The following MBD3 variants were observed in gnomAD, a reference collection of about 807,000 sequenced individuals.
The protein encoded by MBD3 is methyl-CpG-binding domain protein 3.
Under a neutral mutation model 31.2 loss-of-function variants are expected in MBD3, and 13 were observed. That is an observed-to-expected ratio of 0.42 (90% CI 0.27 to 0.66). The LOEUF (loss-of-function observed/expected upper bound fraction) is 0.66, where lower values mean the gene tolerates loss of function less well. Ranked by LOEUF, MBD3 falls within the 30% of genes least tolerant of loss-of-function variation. MBD3 has a pLI of 0.26. For missense variants in MBD3, 440 were observed against 426.5 expected (o/e 1.03, Z -0.28); for synonymous variants, 223 against 187.4 (o/e 1.19, Z -1.55).
rs1917194897 is a variant in MBD3 at position 1,576,498 on chromosome 19, C to G, written c.*1666G>C. The G allele has an allele frequency of 6.6e-6, 1 of 152,280 alleles. No individual in the cohort carries two copies. The highest frequency in any genetic ancestry group is 1.5e-5 in the Non-Finnish European group (1 of 68,100). 9.4% of individuals were successfully genotyped at this position (152,280 alleles called of 1,614,324 possible). On this transcript the variant is annotated 3_prime_UTR_variant, in exon 7 of 7. Transcript: ENST00000434436. ...GGGGCACGGCCCTTGCCCACAGATG[C>G]CCAGGCCGGCCTGGTCTTCTCTGAA...
At chr19:1,589,250 G>A (rs2060692962) in intron 1 of MBD3, among the ~76,000 whole-genome samples, 2 of 147,614 alleles carry the variant, frequency 1.4e-5, no homozygotes, top group East Asian at 2.1e-4. Flanking sequence ...AGAATTGCTT[G>A]AACTCAGGAG....
At chr19:1,584,214 G>A (rs2060666669) in intron 3 of MBD3, among the ~76,000 whole-genome samples, 1 of 151,556 alleles carries the variant, frequency 6.6e-6, no homozygotes, top group African/African-American at 2.4e-5. Flanking sequence ...CCAATACCCT[G>A]CACATTCCAA....
chr19:1,580,785 GTCC>G (rs1917333804), intron 5 of MBD3, among the ~76,000 whole-genome samples: 1 of 152,208 alleles, frequency 6.6e-6, no homozygotes, highest in African/African-American at 2.4e-5. Context: ...GGCCTGCCCT[GTCC>G]CTCCGTCTCC....
In MBD3 at chr19:1,584,633, C is replaced by T. The variant is rs749850322; in HGVS notation, c.315G>A (p.Ala105=). Residue 105 remains alanine, a synonymous_variant, in exon 3 of 7, where the codon GCG becomes GCA. Coordinates refer to ENST00000434436, the MANE Select transcript of MBD3 (RefSeq NM_001281453.2). Reference sequence around the variant, plus strand: ...TGGTCACCGGCTGCTTGAAGATGGACGCCGTCTGGCGCACGGGCAGCGCCG... The same window carrying T: ...TGGTCACCGGCTGCTTGAAGATGGATGCCGTCTGGCGCACGGGCAGCGCCG... ...LNTALPVRQT[A]SIFKQPVTKI... 2.4e-5 allele frequency: 38 copies of T among 1,613,578 alleles called. No individual in the cohort carries two copies. Among genetic ancestry groups the T allele is most frequent in the Non-Finnish European group, 3.0e-5 (35 of 1,179,924 alleles).
At position 1,582,679 on chromosome 19, in the gene MBD3, C is replaced by A; in HGVS notation, c.442G>T (p.Ala148Ser). The part of the protein sequence containing the change: ...FWEKKLSGLN[A>S]FDIAEELVKT... ...ACCAGCTCCTCAGCAATGTCGAAGG[C>A]GTTCAGGCCGCTCAGCTTCTTCTCC... The change falls in exon 4 of 7, where the codon GCC (alanine) becomes TCC (serine). Residue 148 changes from alanine (A) to serine (S), a missense_variant. By Grantham distance (99) the Ala-to-Ser change is moderately conservative. This residue lies in a region of MBD3 where 144 missense variants were observed against 196.9 expected (regional missense o/e 0.73). Coordinates refer to ENST00000434436, the MANE Select transcript of MBD3 (RefSeq NM_001281453.2). The A allele has an allele frequency of 1.2e-6, 2 of 1,614,042 alleles. No homozygotes were observed. The highest frequency in any genetic ancestry group is 1.7e-6 in the Non-Finnish European group (2 of 1,180,004).
Position 1,574,354 on chromosome 19 carries a change from T to TA in MBD3, c.*3809_*3810insT. ...CTTTTGTGGGTGCCCTTTAGCCATT[T>TA]CCCCCAGTCCCCATAATCCCCAGTC... On this transcript the variant is annotated 3_prime_UTR_variant, in exon 7 of 7. Transcript: ENST00000434436. The TA allele has an allele frequency of 6.6e-6, 1 of 152,252 alleles. No homozygotes were observed. The highest frequency in any genetic ancestry group is 2.1e-4 in the South Asian group (1 of 4,830). 9.4% of individuals were successfully genotyped at this position (152,252 alleles called of 1,614,324 possible). A position where few individuals can be genotyped will look rare whatever the true frequency, so the allele number is the denominator to read the frequency against.
At chr19:1,592,477 G>A (rs774756443) in intron 1 of MBD3, 45 bp downstream of exon 1, 66 of 1,112,672 alleles carry the variant, frequency 5.9e-5, no homozygotes, top group Admixed American at 2.1e-4. Flanking sequence ...AGAGGCCGCT[G>A]GGAGGAGCCC....
At chr19:1,587,274 AT>A (rs1055481755) in intron 1 of MBD3, among the ~76,000 whole-genome samples, 1 of 151,518 alleles carries the variant, frequency 6.6e-6, no homozygotes, top group East Asian at 1.9e-4. Context: ...CAATTTTTAT[AT>A]TTTTTTAATA....
intron 1 of MBD3, 79 bp downstream of exon 1, chr19:1,592,443 G>C (rs2060709389): frequency 1.7e-6 from 1 of 597,618 alleles, no homozygotes; most frequent in Admixed American, 3.8e-5. Context: ...CCGCGGCCCG[G>C]GGCAGGGGCG....
At position 1,578,306 on chromosome 19, in the gene MBD3, T is replaced by G. The variant is rs752225761; in HGVS notation, c.*5+29A>C. ...GCAGTCCCCACTGCCAGGACCCGAC[T>G]CCAGGGAGCCCCCGTGGCCCCGCAG... On this transcript the variant is annotated intron_variant, in intron 6 of 6. Transcript: ENST00000434436. This position sits in a 1 kb window ranked among gnomAD's most constrained non-coding sequence, Gnocchi z 6.1. 3.8e-6 allele frequency: 6 copies of G among 1,599,842 alleles called. No individual in the cohort carries two copies. Among genetic ancestry groups the G allele is most frequent in the African/African-American group, 1.3e-5 (1 of 74,822 alleles).
chr19:1,587,478 G>C (rs1386161510), intron 1 of MBD3, among the ~76,000 whole-genome samples: 1 of 151,558 alleles, frequency 6.6e-6, no homozygotes, highest in African/African-American at 2.4e-5. Context: ...GCAGTGGTGT[G>C]ATCACAGCAC....
chr19:1,588,601 G>C lies in MBD3; in HGVS notation c.111-3387C>G, dbSNP rs140216359. On this transcript the variant is annotated intron_variant, in intron 1 of 6. Transcript: ENST00000434436. ...GTTCGAGACCAGCCTGGGCAACATGGTGAAACCCGTTTCTACTAAAATACA... is the reference window on the plus strand; with the variant it reads ...GTTCGAGACCAGCCTGGGCAACATGCTGAAACCCGTTTCTACTAAAATACA... Among the ~76,000 whole-genome samples the C allele has an allele frequency of 3.3e-3, 500 of 151,930 alleles. 3 individuals carry two copies. The highest frequency in any genetic ancestry group is 0.011 in the African/African-American group (471 of 41,418).
rs2060673849 is a variant in MBD3 at position 1,585,267 on chromosome 19, C to T, written c.111-53G>A. ...CCGGGCGGACCCCAGACCCCAAACCCAGGCCTCGGCCGCAGACCCAAACCC... is the reference window on the plus strand; with the variant it reads ...CCGGGCGGACCCCAGACCCCAAACCTAGGCCTCGGCCGCAGACCCAAACCC... On this transcript the variant is annotated intron_variant, in intron 1 of 6. Transcript: ENST00000434436. The surrounding 1 kb of genome is among the most constrained non-coding windows in gnomAD (Gnocchi z 4.1). 4 of 1,529,874 alleles carry T rather than the reference C, an allele frequency of 2.6e-6. No individual in the cohort carries two copies. The highest frequency in any genetic ancestry group is 3.5e-6 in the Non-Finnish European group (4 of 1,142,978). 94.8% of individuals were successfully genotyped at this position (1,529,874 alleles called of 1,614,324 possible). A position where few individuals can be genotyped will look rare whatever the true frequency, so the allele number is the denominator to read the frequency against.
chr19:1,578,067 G>A lies in MBD3; in HGVS notation c.*97C>T. ...GGCCTTCCTCCTGGGTGTCTCCAAG[G>A]CTGGGCTTCGCCGCCGAGCCTGGTT... On this transcript the variant is annotated 3_prime_UTR_variant, in exon 7 of 7. Coordinates refer to ENST00000434436, the MANE Select transcript of MBD3 (RefSeq NM_001281453.2). The surrounding 1 kb of genome is among the most constrained non-coding windows in gnomAD (Gnocchi z 6.1). 1.8e-6 allele frequency: 1 copy of A among 570,246 alleles called. No homozygotes were observed. 35.3% of individuals were successfully genotyped at this position (570,246 alleles called of 1,614,324 possible). A position where few individuals can be genotyped will look rare whatever the true frequency, so the allele number is the denominator to read the frequency against.
chr19:1,592,578 T>C lies in MBD3; in HGVS notation c.54A>G (p.Glu18=). 7.0e-7 allele frequency: 1 copy of C among 1,430,038 alleles called. No homozygotes were observed. The highest frequency in any genetic ancestry group is 9.4e-7 in the Non-Finnish European group (1 of 1,067,804). 88.6% of individuals were successfully genotyped at this position (1,430,038 alleles called of 1,614,324 possible). A position where few individuals can be genotyped will look rare whatever the true frequency, so the allele number is the denominator to read the frequency against. The change falls in exon 1 of 7, where the codon GAA becomes GAG. Residue 18 remains glutamate (E), a synonymous_variant. Transcript: ENST00000434436. ...CPALPQGWER[E]EVPRRSGLSA... is the part of the protein sequence containing the mutation. ...ACAGCCCCGACCTTCTGGGCACTTC[T>C]TCCCTCTCCCAGCCCTGCGGGAGCG...
rs923400762 is a variant in MBD3 at position 1,581,444 on chromosome 19, GA to G, written c.500-176del. The G allele has an allele frequency of 4.3e-5, 30 of 705,362 alleles. No homozygotes were observed. In the East Asian group the frequency reaches 5.4e-4, roughly 13 times the overall value. The allele number at this position is 705,362 out of a possible 1,614,324, so 43.7% of individuals were successfully genotyped here. On this transcript the variant is annotated intron_variant, in intron 4 of 6. Coordinates refer to ENST00000434436, the MANE Select transcript of MBD3 (RefSeq NM_001281453.2). ...CGCTTGTGTTACTACATTCATAACA[GA>G]AAAAAAAGCAAGTTAGGCCAGGCGT... is the stretch of plus-strand genomic sequence containing the variant.
intron 5 of MBD3, 147 bp downstream of exon 5, chr19:1,580,945 T>C: frequency 9.8e-7 from 1 of 1,023,780 alleles, no homozygotes; most frequent in Non-Finnish European, 1.5e-6. Flanking sequence ...GCTCCGACGA[T>C]GGGTCCCCTT....
chr19:1,585,555 C>CTA lies in MBD3; in HGVS notation c.111-342_111-341insTA. The CTA allele has an allele frequency of 2.8e-6, 1 of 352,858 alleles. No individual in the cohort carries two copies. The highest frequency in any genetic ancestry group is 5.4e-6 in the Non-Finnish European group (1 of 185,932). 21.9% of individuals were successfully genotyped at this position (352,858 alleles called of 1,614,324 possible). On this transcript the variant is annotated intron_variant, in intron 1 of 6. Coordinates refer to ENST00000434436, the MANE Select transcript of MBD3 (RefSeq NM_001281453.2). The surrounding 1 kb of genome is among the most constrained non-coding windows in gnomAD (Gnocchi z 4.1). ...TGCTCCAGACCCCCAACCCCGGTCC[C>CTA]CTCTGAATCCTCCCCACCGTAGGCC...
intron 5 of MBD3, 58 bp downstream of exon 5, chr19:1,581,034 G>C (rs1599341001): frequency 6.3e-7 from 1 of 1,590,996 alleles, no homozygotes; most frequent in African/African-American, 1.3e-5. Flanking sequence ...GGACACTCAG[G>C]GTCCCCACGG....
Sources: allele counts gnomAD v4.1 joint callset (sites outside exome capture counted in the v4.1 genomes callset), GRCh38; gene constraint gnomAD v4.1.1; regional missense constraint gnomAD v4.1.1; non-coding constraint Gnocchi (gnomAD v3.1); transcripts MANE v1.5; gene names NCBI Gene and HGNC (gene_info 2026-07-23, HGNC 2026-07-21).